WTIP: variants seen among roughly 807,000 people sequenced by gnomAD.
The protein encoded by WTIP is WT1 interacting protein.
WTIP carries 23 observed loss-of-function variants against 41.7 expected under a neutral mutation model. That is an observed-to-expected ratio of 0.55 (90% CI 0.40 to 0.78). The LOEUF is 0.78. Ranked by LOEUF, WTIP falls within the 30% of genes least tolerant of loss-of-function variation. The pLI, the probability that WTIP is intolerant of heterozygous loss-of-function variation, is 0.00. For missense variants in WTIP, 619 were observed against 610.5 expected (o/e 1.01, Z -0.15); for synonymous variants, 314 against 269.9 (o/e 1.16, Z -1.60).
chr19:34,495,741 A>T lies in WTIP; in HGVS notation c.1122A>T (p.Arg374Ser). Residue 374 changes from arginine (R) to serine (S), a missense_variant, in exon 7 of 8, where the codon AGA becomes AGT. By Grantham distance (110) the Arg-to-Ser change is moderately radical. Around this residue, in one of 3 missense-constraint regions of WTIP, gnomAD observed 92 missense variants for 82.4 expected, o/e 1.12. Transcript: ENST00000590071. Reference sequence around the variant, plus strand: ...CCATCCGTGTGGTGTCCATGGACAGAGACTACCACGTGGCATGTTACCACT... The same window carrying T: ...CCATCCGTGTGGTGTCCATGGACAGTGACTACCACGTGGCATGTTACCACT... ...ETTIRVVSMD[R>S]DYHVACYHCE... 4 of 1,613,888 alleles carry T rather than the reference A, an allele frequency of 2.5e-6. No homozygotes were observed. Among genetic ancestry groups the T allele is most frequent in the Non-Finnish European group, 3.4e-6 (4 of 1,179,976 alleles).
chr19:34,485,872 C>T (rs531846394), intron 1 of WTIP, among the ~76,000 whole-genome samples: 25 of 152,270 alleles, frequency 1.6e-4, no homozygotes, highest in East Asian at 9.6e-4. Context: ...GGATTACAGG[C>T]GGGAGCCACT....
intron 7 of WTIP, chr19:34,498,539 G>C (rs900882111): frequency 1.3e-5 from 2 of 152,310 alleles, no homozygotes; most frequent in Non-Finnish European, 1.5e-5. Flanking sequence ...AGGTTCTGCT[G>C]TTTGCCGTCT....
chr19:34,497,137 A>C (rs2075858704), intron 7 of WTIP, among the ~76,000 whole-genome samples: 1 of 152,198 alleles, frequency 6.6e-6, no homozygotes, highest in African/African-American at 2.4e-5. Context: ...TGCTAGGATT[A>C]CAGGCTTGAG....
intron 7 of WTIP, among the ~76,000 whole-genome samples, chr19:34,496,006 A>G (rs188161740): frequency 2.8e-4 from 43 of 152,020 alleles, no homozygotes; most frequent in African/African-American, 1.0e-3. Context: ...AAAATACAAA[A>G]ATTAGCCAGG....
At position 34,503,458 on chromosome 19, in the gene WTIP, G is replaced by T. The variant is rs1259878070; in HGVS notation, c.*3189G>T. ...CAGTATCTCCATTTCATGCCCAGGG[G>T]TGACACTGACCCCATGATTATAGAG... On this transcript the variant is annotated 3_prime_UTR_variant, in exon 8 of 8. Coordinates refer to ENST00000590071, the MANE Select transcript of WTIP (RefSeq NM_001080436.2). The T allele has an allele frequency of 6.6e-6, 1 of 152,334 alleles. No individual in the cohort carries two copies. The highest frequency in any genetic ancestry group is 2.4e-5 in the African/African-American group (1 of 41,464). The allele number at this position is 152,334 out of a possible 1,614,324, so 9.4% of individuals were successfully genotyped here. A position where few individuals can be genotyped will look rare whatever the true frequency, so the allele number is the denominator to read the frequency against.
Position 34,493,258 on chromosome 19 carries a change from C to A in WTIP, c.838-5C>A, listed in dbSNP as rs752850473. The stretch of plus-strand genomic sequence containing the variant: ...CAATGTCCTGGATCCTGTGTCCCCT[C>A]CCAGTACTCCGGGTTCCAGCAGACG... On this transcript the variant is annotated splice_polypyrimidine_tract_variant and splice_region_variant and intron_variant, in intron 3 of 7. Transcript: ENST00000590071. The surrounding 1 kb of genome is among the most constrained non-coding windows in gnomAD (Gnocchi z 4.1). 1.2e-6 allele frequency: 2 copies of A among 1,613,550 alleles called. No homozygotes were observed. The highest frequency in any genetic ancestry group is 2.7e-5 in the African/African-American group (2 of 74,906).
chr19:34,483,208 G>C (rs1477807426), intron 1 of WTIP, among the ~76,000 whole-genome samples: 3 of 122,192 alleles, frequency 2.5e-5, no homozygotes, highest in East Asian at 4.5e-4. Flanking sequence ...TTTTTTTGTA[G>C]AGACAGAGTC....
At chr19:34,483,520 CTG>C (rs1599950604) in intron 1 of WTIP, among the ~76,000 whole-genome samples, 1 of 152,156 alleles carries the variant, frequency 6.6e-6, no homozygotes, top group Admixed American at 6.6e-5. Context: ...GAGAGGGAGA[CTG>C]TGTGAGGGAA....
chr19:34,500,001 G>A (rs2075875843), intron 7 of WTIP, 128 bp from the exon 8 acceptor site: 2 of 1,361,140 alleles, frequency 1.5e-6, no homozygotes, highest in Non-Finnish European at 2.0e-6. Flanking sequence ...GCGCCCGGCG[G>A]AAGAGTCTTC....
At chr19:34,499,920 A>G (rs2075875253) in intron 7 of WTIP, among the ~76,000 whole-genome samples, 1 of 151,990 alleles carries the variant, frequency 6.6e-6, no homozygotes, top group South Asian at 2.1e-4. Flanking sequence ...GCTGGTCTCG[A>G]ACTCCTGACC....
Position 34,482,204 on chromosome 19 carries a change from C to T in WTIP, c.230C>T (p.Ala77Val), listed in dbSNP as rs2075770687. 6.2e-6 allele frequency: 7 copies of T among 1,121,904 alleles called. No homozygotes were observed. The highest frequency in any genetic ancestry group is 1.7e-5 in the African/African-American group (1 of 60,072). The allele number at this position is 1,121,904 out of a possible 1,614,324, so 69.5% of individuals were successfully genotyped here. A position where few individuals can be genotyped will look rare whatever the true frequency, so the allele number is the denominator to read the frequency against. The change falls in exon 1 of 8, where the codon GCG becomes GTG. Residue 77 changes from alanine to valine, a missense_variant. This residue lies in a region of WTIP where 363 missense variants were observed against 309.0 expected (regional missense o/e 1.17). Coordinates refer to ENST00000590071, the MANE Select transcript of WTIP (RefSeq NM_001080436.2). ...SRGERGPRRA[A>V]VPELSAQPAG... The stretch of plus-strand genomic sequence containing the variant: ...GGGGAGCGGGGTCCCCGGCGCGCGG[C>T]GGTTCCGGAGCTCAGCGCGCAGCCT...
chr19:34,482,277 T>TGGC lies in WTIP; in HGVS notation c.307_309dup (p.Gly103dup). The TGGC allele has an allele frequency of 7.6e-7, 1 of 1,314,258 alleles. No individual in the cohort carries two copies. Among genetic ancestry groups the TGGC allele is most frequent in the Non-Finnish European group, 9.8e-7 (1 of 1,024,590 alleles). 81.4% of individuals were successfully genotyped at this position (1,314,258 alleles called of 1,614,324 possible). On this transcript the variant is annotated inframe_insertion, in exon 1 of 8. Coordinates refer to ENST00000590071, the MANE Select transcript of WTIP (RefSeq NM_001080436.2). ...TGGCGGGGTCCGACGGCGGCGGCGG[T>TGGC]GGCGGCAGCGCCCGATCCAGCGGCA...
chr19:34,490,435 G>A lies in WTIP; in HGVS notation c.727G>A (p.Gly243Arg), dbSNP rs1425378984. The change falls in exon 2 of 8, where the codon GGG (glycine) becomes AGG (arginine). Residue 243 changes from glycine (G) to arginine (R), a missense_variant. By Grantham distance (125) the Gly-to-Arg change is moderately radical (BLOSUM62 -2). Around this residue, in one of 3 missense-constraint regions of WTIP, gnomAD observed 164 missense variants for 219.1 expected, o/e 0.75. Transcript: ENST00000590071. ...AGCCCAGCAGGCGTGCCAGGCAATG[G>A]GGAGTCTTTATCACACTGACTGCTT... is the stretch of plus-strand genomic sequence containing the variant. ...YGAQQACQAMGSLYHTDCFTC... is the reference protein window; with the variant it reads ...YGAQQACQAMRSLYHTDCFTC... 2 of 1,613,960 alleles carry A rather than the reference G, an allele frequency of 1.2e-6. No homozygotes were observed. The highest frequency in any genetic ancestry group is 2.7e-5 in the African/African-American group (2 of 75,004).
intron 1 of WTIP, among the ~76,000 whole-genome samples, chr19:34,488,402 G>C (rs1402459971): frequency 6.6e-6 from 1 of 151,378 alleles, no homozygotes; most frequent in East Asian, 2.0e-4. Context: ...ATCTCACTCT[G>C]TTACCCAGGC....
chr19:34,491,476 A>G (rs1343590858), intron 2 of WTIP, among the ~76,000 whole-genome samples: 1 of 151,724 alleles, frequency 6.6e-6, no homozygotes, highest in African/African-American at 2.4e-5. Context: ...GGCACACGCC[A>G]CCACTCCCAG....
intron 1 of WTIP, among the ~76,000 whole-genome samples, chr19:34,487,967 C>G (rs933683210): frequency 5.9e-5 from 9 of 152,214 alleles, no homozygotes; most frequent in African/African-American, 1.9e-4. Context: ...GGTCACCCCT[C>G]TCCTTTCCAC....
At position 34,509,138 on chromosome 19, in the gene WTIP, C is replaced by T. The variant is rs2075924413; in HGVS notation, c.*8869C>T. 1 of 152,234 alleles carries T rather than the reference C, an allele frequency of 6.6e-6. No individual in the cohort carries two copies. The highest frequency in any genetic ancestry group is 1.5e-5 in the Non-Finnish European group (1 of 68,062). The allele number at this position is 152,234 out of a possible 1,614,324, so 9.4% of individuals were successfully genotyped here. On this transcript the variant is annotated 3_prime_UTR_variant, in exon 8 of 8. Transcript: ENST00000590071. ...GATTGCTTGAGGCCAGGATTCCAGG[C>T]TGCAGGGAGCTATGACTGCCAGTGC... is the stretch of plus-strand genomic sequence containing the variant.
At chr19:34,497,327 G>A (rs985057688) in intron 7 of WTIP, among the ~76,000 whole-genome samples, 1 of 152,144 alleles carries the variant, frequency 6.6e-6, no homozygotes, top group African/African-American at 2.4e-5. Context: ...GAGAGATGAT[G>A]GGCCTCCCTG....
intron 2 of WTIP, among the ~76,000 whole-genome samples, chr19:34,492,357 C>A (rs1290904836): frequency 1.3e-5 from 2 of 148,784 alleles, no homozygotes; most frequent in Non-Finnish European, 3.0e-5. Context: ...TCAAGCGATG[C>A]TCCTGCCTCA....
Sources: allele counts gnomAD v4.1 joint callset (sites outside exome capture counted in the v4.1 genomes callset), GRCh38; gene constraint gnomAD v4.1.1; regional missense constraint gnomAD v4.1.1; non-coding constraint Gnocchi (gnomAD v3.1); transcripts MANE v1.5; gene names NCBI Gene and HGNC (gene_info 2026-07-23, HGNC 2026-07-21).